SYNRG: variants seen among roughly 807,000 people sequenced by gnomAD.
SYNRG encodes synergin gamma, also known as AP1 gamma subunit binding protein 1.
In SYNRG, 37 loss-of-function variants were observed where a neutral mutation model predicts 130.9. The observed-to-expected ratio is 0.28, with a 90% CI of 0.22 to 0.37. The LOEUF is 0.37. Among genes scored for constraint, SYNRG ranks in the 10% least tolerant of loss-of-function variants. SYNRG has a pLI of 1.00. For synonymous variants in SYNRG, 539 were observed against 568.1 expected, an observed-to-expected ratio of 0.95 and a Z score of 0.73; for missense variants, 1,338 against 1,588.9, an observed-to-expected ratio of 0.84 and a Z score of 2.68.
At position 37,542,342 on chromosome 17, in the gene SYNRG, G is replaced by A. The variant is rs1021406318; in HGVS notation, c.2832C>T (p.Leu944=). The A allele has an allele frequency of 4.3e-6, 7 of 1,614,112 alleles. No homozygotes were observed. Among genetic ancestry groups the A allele is most frequent in the Non-Finnish European group, 5.9e-6 (7 of 1,180,050 alleles). ...CACTTACAAAGGTCGTTACTTTGGA[G>A]AGAGATGTCATGGTGATGTTTTCAG... ...GSSENITMTS[L]SKVTTFVSED... Residue 944 remains leucine, a synonymous_variant, in exon 15 of 22, where the codon CTC becomes CTT. Transcript: ENST00000612223.
At chr17:37,520,425 G>A in intron 20 of SYNRG, 113 bp downstream of exon 20, 1 of 1,182,310 alleles carries the variant, frequency 8.5e-7, no homozygotes, top group Non-Finnish European at 1.2e-6. Flanking sequence ...TTTAGGACTT[G>A]AGAAAATCCC....
chr17:37,527,579 C>T (rs539384710), intron 19 of SYNRG, among the ~76,000 whole-genome samples: 1 of 151,644 alleles, frequency 6.6e-6, no homozygotes, highest in Non-Finnish European at 1.5e-5. Flanking sequence ...CAAAAATATT[C>T]GGAGGAAAAA....
chr17:37,582,790 G>T (rs1287663025), intron 6 of SYNRG, among the ~76,000 whole-genome samples: 1 of 152,050 alleles, frequency 6.6e-6, no homozygotes, highest in Non-Finnish European at 1.5e-5. Flanking sequence ...GAGCCTGGGG[G>T]GTCATGGCTG....
In SYNRG at chr17:37,523,429, G is replaced by A. The variant is rs2055396428; in HGVS notation, c.3667-2781C>T. ...CCCACCTCAGCTTTCCAAAGTGTTGGAATTAGAGGCATGAGCCACTGCACC... is the reference window on the plus strand; with the variant it reads ...CCCACCTCAGCTTTCCAAAGTGTTGAAATTAGAGGCATGAGCCACTGCACC... On this transcript the variant is annotated intron_variant, in intron 19 of 21. Transcript: ENST00000612223. Among the ~76,000 whole-genome samples, 8 of 152,204 alleles carry A rather than the reference G, an allele frequency of 5.3e-5. No individual in the cohort carries two copies. The South Asian group carries it at 1.7e-3, about 32-fold the overall frequency.
At chr17:37,589,838 T>A (rs552549505) in intron 3 of SYNRG, among the ~76,000 whole-genome samples, 1 of 151,494 alleles carries the variant, frequency 6.6e-6, no homozygotes, top group South Asian at 2.1e-4. Flanking sequence ...TACCACACAC[T>A]GATTCTAAAG....
In SYNRG at chr17:37,553,595, C is replaced by A. The variant is rs2058873520; in HGVS notation, c.2128G>T (p.Asp710Tyr). 1.2e-6 allele frequency: 2 copies of A among 1,613,996 alleles called. No individual in the cohort carries two copies. Among genetic ancestry groups the A allele is most frequent in the African/African-American group, 2.7e-5 (2 of 74,910 alleles). The change falls in exon 14 of 22, where the codon GAC (aspartate) becomes TAC (tyrosine). Residue 710 changes from aspartate to tyrosine, a missense_variant. This residue lies in a region of SYNRG where 1,146 missense variants were observed against 1,342.3 expected (regional missense o/e 0.85). Coordinates refer to ENST00000612223, the MANE Select transcript of SYNRG (RefSeq NM_007247.6). ...TCCTCTTTAAGGGCATCATATTTGTCATCCGGCTTTTGCTCAGATGAAATA... is the reference window on the plus strand; with the variant it reads ...TCCTCTTTAAGGGCATCATATTTGTAATCCGGCTTTTGCTCAGATGAAATA... Reference protein sequence around the residue: ...SSISSEQKPDDKYDALKEEAS... With the variant: ...SSISSEQKPDYKYDALKEEAS...
chr17:37,539,724 A>G (rs1364421947), intron 16 of SYNRG, among the ~76,000 whole-genome samples: 3 of 152,194 alleles, frequency 2.0e-5, no homozygotes, highest in Non-Finnish European at 4.4e-5. Context: ...TAATAAATGT[A>G]ACTTCTGAGC....
chr17:37,536,163 A>G (rs1384781098), intron 18 of SYNRG, 36 bp from the exon 19 acceptor site: 1 of 1,579,684 alleles, frequency 6.3e-7, no homozygotes, highest in Non-Finnish European at 8.6e-7. Flanking sequence ...GAGTGTTGGC[A>G]GTGGAGACAC....
At chr17:37,581,362 C>T (rs746173015) in intron 6 of SYNRG, among the ~76,000 whole-genome samples, 5 of 152,094 alleles carry the variant, frequency 3.3e-5, no homozygotes, top group Non-Finnish European at 7.4e-5. Context: ...ACCGCAACCT[C>T]TGCCTCCCAG....
chr17:37,577,700 T>TC (rs2060956207), intron 6 of SYNRG, 87 bp from the exon 7 acceptor site: 3 of 960,532 alleles, frequency 3.1e-6, no homozygotes, highest in Non-Finnish European at 4.4e-6. Flanking sequence ...ATATTCTTTT[T>TC]TTTTTTTTTT....
chr17:37,525,438 T>C (rs150850740), intron 19 of SYNRG, among the ~76,000 whole-genome samples: 75 of 152,360 alleles, frequency 4.9e-4, no homozygotes, highest in African/African-American at 1.8e-3. Flanking sequence ...TCTTCACCAA[T>C]AATCTTTCTC....
intron 14 of SYNRG, among the ~76,000 whole-genome samples, chr17:37,551,613 TCTAC>T (rs1163825879): frequency 6.6e-6 from 1 of 151,986 alleles, no homozygotes; most frequent in Non-Finnish European, 1.5e-5. Flanking sequence ...CATAAAGACA[TCTAC>T]CTTGGCACTG....
chr17:37,604,483 A>C (rs2063572405), intron 1 of SYNRG, among the ~76,000 whole-genome samples: 1 of 152,226 alleles, frequency 6.6e-6, no homozygotes, highest in African/African-American at 2.4e-5. Context: ...GAAGAGACTA[A>C]GGATCTTGCT....
At chr17:37,520,349 C>T (rs982180616) in intron 20 of SYNRG, 135 bp from the exon 21 acceptor site, 5 of 1,213,520 alleles carry the variant, frequency 4.1e-6, no homozygotes, top group East Asian at 2.4e-5. Flanking sequence ...ATGAGAGCCG[C>T]GTCCATTCCC....
intron 3 of SYNRG, among the ~76,000 whole-genome samples, chr17:37,589,450 T>C (rs552436833): frequency 1.3e-5 from 2 of 152,262 alleles, no homozygotes; most frequent in East Asian, 3.9e-4. Flanking sequence ...AATCAATAAA[T>C]TAAAAATGGG....
rs2060375843 is a variant in SYNRG at position 37,570,847 on chromosome 17, C to G, written c.1137G>C (p.Gln379His). Residue 379 changes from glutamine (Q) to histidine (H), a missense_variant, in exon 10 of 22, where the codon CAG becomes CAC. Transcript: ENST00000612223. ...AAGTTGGAATAGGAGCTGCTGGGAA[C>G]TGGTTTAAAGCATCAGGACTCATTG... ...VPAMSPDALN[Q>H]FPAAPIPTLS... 9 of 1,614,198 alleles carry G rather than the reference C, an allele frequency of 5.6e-6. No individual in the cohort carries two copies. In the African/African-American group the frequency reaches 9.3e-5, roughly 17 times the overall value.
intron 19 of SYNRG, among the ~76,000 whole-genome samples, chr17:37,525,772 C>G (rs565257455): frequency 4.6e-5 from 7 of 152,180 alleles, no homozygotes; most frequent in African/African-American, 7.2e-5. Context: ...TGGAGACCAG[C>G]CTGGCCAACA....
chr17:37,553,104 C>T lies in SYNRG; in HGVS notation c.2608+11G>A. 2 of 1,605,708 alleles carry T rather than the reference C, an allele frequency of 1.2e-6. No individual in the cohort carries two copies. The highest frequency in any genetic ancestry group is 1.7e-6 in the Non-Finnish European group (2 of 1,177,006). ...AACACCATCACCAGAGCAATCTCAC[C>T]AATTCCTCACCTGCAGCAGGAGGAT... On this transcript the variant is annotated intron_variant, in intron 14 of 21. Coordinates refer to ENST00000612223, the MANE Select transcript of SYNRG (RefSeq NM_007247.6).
rs1395884157 is a variant in SYNRG, at chr17:37,524,141, G to T, written c.3667-3493C>A. On this transcript the variant is annotated intron_variant, in intron 19 of 21. Coordinates refer to ENST00000612223, the MANE Select transcript of SYNRG (RefSeq NM_007247.6). ...GTCAAGCATCTGGGAGCCTGGCATG[G>T]CAGTTGGTTTGTCTTCATGGATACT... Among the ~76,000 whole-genome samples the T allele has an allele frequency of 2.0e-5, 3 of 152,318 alleles. No individual in the cohort carries two copies. The East Asian group carries it at 5.8e-4, about 29-fold the overall frequency.
Sources: gnomAD v4.1 joint callset for allele counts (sites outside exome capture counted in the v4.1 genomes callset) on GRCh38, gnomAD v4.1.1 for gene constraint, gnomAD v4.1.1 regional missense constraint, MANE v1.5 for transcripts, NCBI Gene and HGNC (gene_info 2026-07-23, HGNC 2026-07-21) for gene names.